RAP1B: variants seen among roughly 807,000 people sequenced by gnomAD.
The protein encoded by RAP1B is ras-related protein Rap-1b.
Under a neutral mutation model 27.5 loss-of-function variants are expected in RAP1B, and 1 was observed. That is an observed-to-expected ratio of 0.04 (90% CI 0.01 to 0.17). The LOEUF (loss-of-function observed/expected upper bound fraction) is 0.17, where lower values mean the gene tolerates loss of function less well. Ranked by LOEUF, RAP1B falls within the 10% of genes least tolerant of loss-of-function variation. The pLI, the probability that RAP1B is intolerant of heterozygous loss-of-function variation, is 1.00. For missense variants in RAP1B, 84 were observed against 214.8 expected, an observed-to-expected ratio of 0.39 and a Z score of 3.81; for synonymous variants, 75 against 73.1, an observed-to-expected ratio of 1.03 and a Z score of -0.13.
At chr12:68,638,656 A>G (rs1015128971) in intron 1 of RAP1B, among the ~76,000 whole-genome samples, 6 of 152,060 alleles carry the variant, frequency 3.9e-5, no homozygotes, top group African/African-American at 7.2e-5. Context: ...TAATTAAGGA[A>G]TCTAACTTTT....
intron 4 of RAP1B, among the ~76,000 whole-genome samples, chr12:68,653,287 A>G (rs1403940649): frequency 6.6e-6 from 1 of 152,190 alleles, no homozygotes; most frequent in Non-Finnish European, 1.5e-5. Flanking sequence ...TAGGTATGTG[A>G]AGATGAAGGG....
intron 1 of RAP1B, among the ~76,000 whole-genome samples, chr12:68,648,442 A>C (rs993099017): frequency 1.8e-4 from 28 of 152,348 alleles, no homozygotes; most frequent in African/African-American, 6.7e-4. Context: ...ACTTGATGTA[A>C]CAAAACAGGT....
chr12:68,620,778 G>A (rs1871335813), intron 1 of RAP1B, among the ~76,000 whole-genome samples: 1 of 152,058 alleles, frequency 6.6e-6, no homozygotes, highest in African/African-American at 2.4e-5. Context: ...TGTAGAGACA[G>A]GGTTTTGCCA....
intron 1 of RAP1B, among the ~76,000 whole-genome samples, chr12:68,625,908 G>A (rs1343278252): frequency 1.3e-5 from 2 of 150,232 alleles, no homozygotes; most frequent in African/African-American, 2.5e-5. Context: ...GCGATAGAGC[G>A]AGACTCTGTC....
At chr12:68,627,122 A>T in intron 1 of RAP1B, 2 of 1,586,286 alleles carry the variant, frequency 1.3e-6, no homozygotes, top group South Asian at 1.1e-5. Flanking sequence ...TAACTTGGCC[A>T]GTGTGAACCC....
chr12:68,626,740 G>C (rs1318591220), intron 1 of RAP1B: 2 of 827,286 alleles, frequency 2.4e-6, no homozygotes, highest in Non-Finnish European at 3.7e-6. Flanking sequence ...AGGTCTTAAG[G>C]AAGAGGGAAG....
intron 1 of RAP1B, among the ~76,000 whole-genome samples, chr12:68,625,714 A>G (rs1004309374): frequency 2.0e-5 from 3 of 152,112 alleles, no homozygotes; most frequent in African/African-American, 7.2e-5. Context: ...AGGTCGAGAG[A>G]TCGATACCAT....
Position 68,655,732 on chromosome 12 carries a change from C to T in RAP1B, c.325-574C>T, listed in dbSNP as rs149121688. Among the ~76,000 whole-genome samples the T allele has an allele frequency of 1.8e-3, 267 of 152,102 alleles. 1 individual carries two copies. Among genetic ancestry groups the T allele is most frequent in the Middle Eastern group, 0.014 (4 of 292 alleles). ...TGTGTTTTTAGTAGAAACAGGGTTT[C>T]GCCATGTTGGCCAGGCTGGTCTCCA... is the stretch of plus-strand genomic sequence containing the variant. On this transcript the variant is annotated intron_variant, in intron 5 of 7. Transcript: ENST00000250559.
At chr12:68,628,126 T>A (rs1871949009) in intron 1 of RAP1B, among the ~76,000 whole-genome samples, 1 of 151,964 alleles carries the variant, frequency 6.6e-6, no homozygotes, top group African/African-American at 2.4e-5. Context: ...GAAATGAAGA[T>A]GCCAGATACT....
At chr12:68,656,166 GT>G in intron 5 of RAP1B, 139 bp from the exon 6 acceptor site, 1 of 753,302 alleles carries the variant, frequency 1.3e-6, no homozygotes, top group Non-Finnish European at 2.1e-6. Context: ...TGTTAAGGCT[GT>G]AAATTTTATT....
At chr12:68,614,700 A>G (rs1870853990) in intron 1 of RAP1B, among the ~76,000 whole-genome samples, 1 of 152,216 alleles carries the variant, frequency 6.6e-6, no homozygotes, top group Non-Finnish European at 1.5e-5. Context: ...ACAAGTTAAG[A>G]CATTTTGGCT....
rs373160838 is a variant in RAP1B at position 68,671,652 on chromosome 12, T to C, written c.*12403T>C. On this transcript the variant is annotated 3_prime_UTR_variant, in exon 8 of 8. Coordinates refer to ENST00000250559, the MANE Select transcript of RAP1B (RefSeq NM_001010942.3). ...AGTTGTTAATATGCATTACCTGACA[T>C]GGTGATATAGGAGTAGGGGTGAGGA... The C allele has an allele frequency of 1.3e-5, 2 of 152,022 alleles. No homozygotes were observed. Among genetic ancestry groups the C allele is most frequent in the Non-Finnish European group, 2.9e-5 (2 of 68,018 alleles). The allele number at this position is 152,022 out of a possible 1,614,324, so 9.4% of individuals were successfully genotyped here.
chr12:68,659,880 G>C lies in RAP1B; in HGVS notation c.*631G>C. ...TATAATGTCTTAGATTAAAGACGTT[G>C]CCTTTAATATCTGTTGGGAAGGAAA... On this transcript the variant is annotated 3_prime_UTR_variant, in exon 8 of 8. Coordinates refer to ENST00000250559, the MANE Select transcript of RAP1B (RefSeq NM_001010942.3). The C allele has an allele frequency of 6.6e-6, 1 of 151,780 alleles. No individual in the cohort carries two copies. Among genetic ancestry groups the C allele is most frequent in the Non-Finnish European group, 1.5e-5 (1 of 67,862 alleles). 9.4% of individuals were successfully genotyped at this position (151,780 alleles called of 1,614,324 possible). A position where few individuals can be genotyped will look rare whatever the true frequency, so the allele number is the denominator to read the frequency against.
chr12:68,644,813 C>T (rs1873284843), intron 1 of RAP1B, among the ~76,000 whole-genome samples: 1 of 150,844 alleles, frequency 6.6e-6, no homozygotes, highest in Non-Finnish European at 1.5e-5. Context: ...CTCAGCCTTC[C>T]GAGTAAGTAG....
chr12:68,642,375 T>C, intron 1 of RAP1B: 1 of 432,088 alleles, frequency 2.3e-6, no homozygotes, highest in South Asian at 3.3e-5. Context: ...AGAAGTTAAA[T>C]GAAACTGAGT....
intron 5 of RAP1B, among the ~76,000 whole-genome samples, chr12:68,654,603 G>C (rs181412038): frequency 6.6e-6 from 1 of 151,432 alleles, no homozygotes; most frequent in Non-Finnish European, 1.5e-5. Context: ...TCAGCCTCCC[G>C]GGTAGCTGGG....
intron 1 of RAP1B, among the ~76,000 whole-genome samples, chr12:68,617,241 T>G (rs1871092842): frequency 6.6e-6 from 1 of 152,226 alleles, no homozygotes. Flanking sequence ...CCAAAAGGTA[T>G]GTATGTTGCA....
intron 1 of RAP1B, among the ~76,000 whole-genome samples, chr12:68,630,805 C>T (rs539757528): frequency 2.6e-5 from 4 of 152,122 alleles, no homozygotes; most frequent in Admixed American, 2.0e-4. Flanking sequence ...CCCATCCTCC[C>T]GGGTAGGTGG....
intron 1 of RAP1B, chr12:68,626,785 G>A (rs978577871): frequency 1.9e-5 from 23 of 1,208,500 alleles, no homozygotes; most frequent in Non-Finnish European, 2.6e-5. Flanking sequence ...TTTTTTTTTT[G>A]TTGTTTGTTT....
Sources: allele counts gnomAD v4.1 joint callset (sites outside exome capture counted in the v4.1 genomes callset), GRCh38; gene constraint gnomAD v4.1.1; transcripts MANE v1.5; gene names NCBI Gene and HGNC (gene_info 2026-07-23, HGNC 2026-07-21).